The following DNAH7 variants were observed in gnomAD, a reference collection of about 807,000 sequenced individuals.
The protein encoded by DNAH7 is axonemal beta dynein heavy chain 7.
In DNAH7, 397 loss-of-function variants were observed where a neutral mutation model predicts 444.6. The observed-to-expected ratio is 0.89, with a 90% CI of 0.82 to 0.97. DNAH7 has a LOEUF of 0.97. Ranked by LOEUF, DNAH7 falls within the 50% of genes least tolerant of loss-of-function variation. DNAH7 has a pLI of 0.00. For synonymous variants in DNAH7, 1,636 were observed against 1,624.4 expected, an observed-to-expected ratio of 1.01 and a Z score of -0.17; for missense variants, 4,902 against 4,800.8, an observed-to-expected ratio of 1.02 and a Z score of -0.62.
chr2:195,876,397 C>A (rs1355554845), intron 37 of DNAH7, 147 bp downstream of exon 37: 9 of 735,308 alleles, frequency 1.2e-5, no homozygotes, highest in Middle Eastern at 2.4e-4. Context: ...ACAAATGTAA[C>A]TACATTTTTA....
chr2:195,867,796 T>C (rs1700432767), intron 40 of DNAH7, among the ~76,000 whole-genome samples: 1 of 152,234 alleles, frequency 6.6e-6, no homozygotes, highest in African/African-American at 2.4e-5. Context: ...TTCCACAGTA[T>C]GTATTTACAA....
rs769130593 is a variant in DNAH7 at position 195,808,682 on chromosome 2, C to A, written c.10083G>T (p.Leu3361Phe). 1.5e-5 allele frequency: 24 copies of A among 1,613,342 alleles called. No individual in the cohort carries two copies. In the African/African-American group the frequency reaches 2.4e-4, roughly 16 times the overall value. Residue 3361 changes from leucine to phenylalanine, a missense_variant and splice_region_variant, in exon 53 of 65, where the codon TTG (leucine) becomes TTT (phenylalanine). Physicochemically the swap from Leu to Phe is conservative, Grantham distance 22. Transcript: ENST00000312428. The stretch of plus-strand genomic sequence containing the variant: ...AATAAGTGAGAGGGTTAAAACATAC[C>A]AAACTATCATATACTTTCTTCCATC... ...KDGWKKVYDS[L>F]EPHHEVFPEE...
chr2:195,916,656 G>A (rs991451170), intron 24 of DNAH7, among the ~76,000 whole-genome samples: 1 of 152,148 alleles, frequency 6.6e-6, no homozygotes, highest in African/African-American at 2.4e-5. Context: ...CCAGGAGTTT[G>A]AGACCAGCCT....
intron 8 of DNAH7, among the ~76,000 whole-genome samples, chr2:196,023,954 G>C (rs937037705): frequency 6.6e-6 from 1 of 152,166 alleles, no homozygotes; most frequent in African/African-American, 2.4e-5. Flanking sequence ...TGGTGGAGGA[G>C]TCAGAACACA....
At chr2:195,964,213 T>C (rs531574970) in intron 17 of DNAH7, among the ~76,000 whole-genome samples, 20 of 152,350 alleles carry the variant, frequency 1.3e-4, no homozygotes, top group Middle Eastern at 3.4e-3. Flanking sequence ...GGGATTACAC[T>C]GAATATGAAG....
At chr2:195,868,726 TG>T (rs1392523014) in intron 40 of DNAH7, among the ~76,000 whole-genome samples, 1 of 151,306 alleles carries the variant, frequency 6.6e-6, no homozygotes, top group African/African-American at 2.4e-5. Context: ...TCATCTATTT[TG>T]GGGGTCTTGT....
chr2:195,970,240 T>C, intron 16 of DNAH7, 146 bp from the exon 17 acceptor site: 1 of 723,150 alleles, frequency 1.4e-6, no homozygotes, highest in Non-Finnish European at 2.1e-6. Flanking sequence ...ATGAACGAGA[T>C]CTAAAATATG....
At chr2:195,814,405 AG>A (rs1241884985) in intron 51 of DNAH7, among the ~76,000 whole-genome samples, 3 of 152,214 alleles carry the variant, frequency 2.0e-5, no homozygotes, top group African/African-American at 7.2e-5. Flanking sequence ...TTATATCTTA[AG>A]GGACAAAAGC....
intron 18 of DNAH7, among the ~76,000 whole-genome samples, chr2:195,958,040 G>T (rs1690813692): frequency 2.0e-5 from 3 of 151,932 alleles, no homozygotes; most frequent in Admixed American, 1.3e-4. Context: ...CTAGAATAAA[G>T]CCCTTATTTC....
intron 40 of DNAH7, among the ~76,000 whole-genome samples, chr2:195,866,800 C>T (rs1302824372): frequency 6.6e-6 from 1 of 152,118 alleles, no homozygotes; most frequent in African/African-American, 2.4e-5. Flanking sequence ...TGTGTTCCCA[C>T]CTAAATCTCA....
rs1392611130 is a variant in DNAH7 at position 195,775,943 on chromosome 2, G to A, written c.11105C>T (p.Thr3702Ile). ...YIEYTKTLPL[T>I]PAPEIFGMNA... Reference sequence around the variant, plus strand: ...CATCCCAAAGATTTCTGGTGCTGGGGTCAGTGGCAGAGTCTTTGTGTATTC... The same window carrying A: ...CATCCCAAAGATTTCTGGTGCTGGGATCAGTGGCAGAGTCTTTGTGTATTC... The change falls in exon 60 of 65, where the codon ACC becomes ATC. Residue 3702 changes from threonine (T) to isoleucine (I), a missense_variant. Thr to Ile is a moderately conservative substitution (Grantham distance 89). Transcript: ENST00000312428. 1.2e-6 allele frequency: 2 copies of A among 1,614,198 alleles called. No individual in the cohort carries two copies. Among genetic ancestry groups the A allele is most frequent in the East Asian group, 2.2e-5 (1 of 44,880 alleles).
Position 195,817,695 on chromosome 2 carries a change from C to T in DNAH7, c.9425+1G>A, listed in dbSNP as rs1377927865. On this transcript the variant is annotated splice_donor_variant, in intron 50 of 64. Transcript: ENST00000312428. LOFTEE classifies it high-confidence loss of function. Reference sequence around the variant, plus strand: ...ATAGTTCTGTTTATGACATTTAAAACCTTTTATTTTCAGCTCCTTGTAATA... The same window carrying T: ...ATAGTTCTGTTTATGACATTTAAAATCTTTTATTTTCAGCTCCTTGTAATA... 1.2e-6 allele frequency: 2 copies of T among 1,601,632 alleles called. No individual in the cohort carries two copies. Among genetic ancestry groups the T allele is most frequent in the Admixed American group, 3.5e-5 (2 of 56,842 alleles).
intron 2 of DNAH7, among the ~76,000 whole-genome samples, chr2:196,053,519 C>G (rs141812351): frequency 7.4e-4 from 113 of 152,272 alleles, no homozygotes; most frequent in African/African-American, 2.3e-3. Context: ...ATGATACAAA[C>G]AGGATACATG....
chr2:195,740,713 A>G, intron 64 of DNAH7, 53 bp downstream of exon 64: 2 of 726,060 alleles, frequency 2.8e-6, no homozygotes, highest in Non-Finnish European at 3.8e-6. Context: ...TATATAATAT[A>G]TAAAATATGT....
chr2:195,812,840 T>C (rs1248002610), intron 51 of DNAH7, among the ~76,000 whole-genome samples: 2 of 152,228 alleles, frequency 1.3e-5, no homozygotes, highest in Non-Finnish European at 2.9e-5. Flanking sequence ...TTGATGACTA[T>C]CAATGATTGG....
At chr2:195,865,942 G>A (rs1007137117) in intron 40 of DNAH7, among the ~76,000 whole-genome samples, 7 of 152,176 alleles carry the variant, frequency 4.6e-5, no homozygotes, top group African/African-American at 1.7e-4. Flanking sequence ...GCCATGTGAG[G>A]ACACAGAGAC....
At chr2:195,750,651 A>C (rs1201487650) in intron 63 of DNAH7, among the ~76,000 whole-genome samples, 1 of 152,202 alleles carries the variant, frequency 6.6e-6, no homozygotes, top group Non-Finnish European at 1.5e-5. Context: ...TCTGTTCATT[A>C]GCTGTGAGAC....
chr2:195,942,833 G>C (rs1158875685), intron 19 of DNAH7, among the ~76,000 whole-genome samples: 1 of 152,106 alleles, frequency 6.6e-6, no homozygotes, highest in Non-Finnish European at 1.5e-5. Context: ...GGAGTGGACA[G>C]AGAACATATA....
chr2:195,862,679 T>C (rs1700093627), intron 41 of DNAH7, among the ~76,000 whole-genome samples: 1 of 152,164 alleles, frequency 6.6e-6, no homozygotes, highest in Non-Finnish European at 1.5e-5. Context: ...ACTTCACTAG[T>C]TTATCCTCTC....
Sources: gnomAD v4.1 joint callset for allele counts (sites outside exome capture counted in the v4.1 genomes callset) on GRCh38, gnomAD v4.1.1 for gene constraint, MANE v1.5 for transcripts, NCBI Gene and HGNC (gene_info 2026-07-23, HGNC 2026-07-21) for gene names.